The following ZNF475 variants were observed in gnomAD, a reference collection of about 807,000 sequenced individuals.
ZNF475 encodes zinc finger protein 475.
chr5:122,160,976 C>T, the ZNF475 span, among the ~76,000 whole-genome samples: 5 of 152,174 alleles, frequency 3.3e-5, no homozygotes, highest in Non-Finnish European at 5.9e-5. Flanking sequence ...CAGTGCAACG[C>T]AATCTGTAAG....
the ZNF475 span, among the ~76,000 whole-genome samples, chr5:122,168,852 C>A: frequency 6.6e-6 from 1 of 151,846 alleles, no homozygotes; most frequent in Non-Finnish European, 1.5e-5. Context: ...AACAGCATAA[C>A]ACCTTAACTT....
the ZNF475 span, among the ~76,000 whole-genome samples, chr5:122,177,255 A>G: frequency 1.3e-5 from 2 of 152,222 alleles, no homozygotes; most frequent in African/African-American, 4.8e-5. Context: ...AAAAAAGGCA[A>G]AGAATCACAA....
At chr5:122,178,466 G>A in the ZNF475 span, among the ~76,000 whole-genome samples, 1 of 152,090 alleles carries the variant, frequency 6.6e-6, no homozygotes, top group Non-Finnish European at 1.5e-5. Context: ...ATCTCATTGT[G>A]GTTTTGATTT....
At chr5:122,179,079 C>T in the ZNF475 span, among the ~76,000 whole-genome samples, 664 of 152,242 alleles carry the variant, frequency 4.4e-3, 7 homozygotes, top group African/African-American at 0.015. Flanking sequence ...GGCCTCTGTT[C>T]TGTTCCATTG....
chr5:122,182,474 T>C, the ZNF475 span: 9 of 1,450,584 alleles, frequency 6.2e-6, no homozygotes, highest in East Asian at 5.1e-5. Flanking sequence ...TTTTGCTTTT[T>C]TCCTTTAACT....
At chr5:122,177,946 C>T in the ZNF475 span, among the ~76,000 whole-genome samples, 44 of 152,232 alleles carry the variant, frequency 2.9e-4, no homozygotes, top group African/African-American at 1.0e-3. Flanking sequence ...TCCCCATGTC[C>T]ATGTCTTCTC....
the ZNF475 span, chr5:122,179,419 G>A: frequency 2.5e-6 from 1 of 400,780 alleles, no homozygotes; most frequent in Non-Finnish European, 4.4e-6. Context: ...TTATTTCCTT[G>A]GGTAGTGGTT....
chr5:122,171,076 C>T, the ZNF475 span, among the ~76,000 whole-genome samples: 4 of 152,046 alleles, frequency 2.6e-5, no homozygotes, highest in Admixed American at 6.5e-5. Context: ...TGTATTCATT[C>T]CTAATATTAA....
chr5:122,164,168 T>C, the ZNF475 span, among the ~76,000 whole-genome samples: 1 of 152,102 alleles, frequency 6.6e-6, no homozygotes, highest in African/African-American at 2.4e-5. Context: ...ATACCTTTTA[T>C]TGGGGATATG....
chr5:122,169,744 G>A, the ZNF475 span, among the ~76,000 whole-genome samples: 2 of 152,194 alleles, frequency 1.3e-5, no homozygotes, highest in Non-Finnish European at 2.9e-5. Flanking sequence ...GGGCAATACA[G>A]GATCCAAAGG....
At chr5:122,174,364 A>G in the ZNF475 span, among the ~76,000 whole-genome samples, 165 of 152,328 alleles carry the variant, frequency 1.1e-3, no homozygotes, top group African/African-American at 3.8e-3. Context: ...CAATTGTAAA[A>G]TCAATGAAAA....
chr5:122,179,930 C>A, the ZNF475 span: 1 of 436,806 alleles, frequency 2.3e-6, no homozygotes, highest in Non-Finnish European at 4.0e-6. Context: ...CATAAAGACA[C>A]TATGTCCTGG....
the ZNF475 span, among the ~76,000 whole-genome samples, chr5:122,161,838 C>T: frequency 6.6e-6 from 1 of 152,160 alleles, no homozygotes; most frequent in African/African-American, 2.4e-5. Context: ...CATTCTCCAA[C>T]CATTTTCTTC....
chr5:122,180,565 A>T, the ZNF475 span, among the ~76,000 whole-genome samples: 636 of 152,338 alleles, frequency 4.2e-3, 7 homozygotes, highest in African/African-American at 0.015. Flanking sequence ...CTTGCTTATC[A>T]TATTTTTACC....
the ZNF475 span, among the ~76,000 whole-genome samples, chr5:122,167,359 T>G: frequency 1.3e-5 from 2 of 152,228 alleles, no homozygotes; most frequent in Non-Finnish European, 1.5e-5. Flanking sequence ...AAAAAAAGTC[T>G]TGATAAAATA....
chr5:122,168,591 T>A, the ZNF475 span, among the ~76,000 whole-genome samples: 1 of 152,182 alleles, frequency 6.6e-6, no homozygotes, highest in African/African-American at 2.4e-5. Flanking sequence ...CCGGCGCCTG[T>A]AGTCCCAGCT....
the ZNF475 span, among the ~76,000 whole-genome samples, chr5:122,180,598 C>T: frequency 6.6e-6 from 1 of 152,122 alleles, no homozygotes; most frequent in African/African-American, 2.4e-5. Context: ...TCAGTAGATC[C>T]CCTAAACCAT....
At chr5:122,175,207 A>G in the ZNF475 span, among the ~76,000 whole-genome samples, 1 of 152,172 alleles carries the variant, frequency 6.6e-6, no homozygotes, top group African/African-American at 2.4e-5. Context: ...CTGTGGATTT[A>G]TTCATCTAAA....
chr5:122,165,761 C>CA, the ZNF475 span, among the ~76,000 whole-genome samples: 169 of 117,326 alleles, frequency 1.4e-3, no homozygotes, highest in East Asian at 2.6e-3. Context: ...ATGCAACCTA[C>CA]AAAAAAAAAA....
Sources: gnomAD v4.1 joint callset for allele counts (sites outside exome capture counted in the v4.1 genomes callset) on GRCh38, gnomAD v4.1.1 for gene constraint, MANE v1.5 for transcripts, NCBI Gene and HGNC (gene_info 2026-07-23, HGNC 2026-07-21) for gene names.